Variants in KDM6A observed in about 807,000 individuals in gnomAD.
KDM6A encodes lysine demethylase 6A, also known as lysine-specific demethylase 6A.
Under a neutral mutation model 117.6 loss-of-function variants are expected in KDM6A, and 11 were observed. The ratio of observed to expected loss-of-function variants is 0.09; its 90% CI spans 0.06 to 0.15. The LOEUF (loss-of-function observed/expected upper bound fraction) is 0.15, where lower values mean the gene tolerates loss of function less well. Among genes scored for constraint, KDM6A ranks in the 10% least tolerant of loss-of-function variants. The pLI, the probability that KDM6A is intolerant of heterozygous loss-of-function variation, is 1.00. For synonymous variants in KDM6A, 384 were observed against 396.1 expected (o/e 0.97, Z 0.36); for missense variants, 799 against 1,077.3 (o/e 0.74, Z 3.62).
chrX:45,072,452 G>C (rs11091138), intron 18 of KDM6A, among the ~76,000 whole-genome samples: 23,850 of 109,227 alleles, frequency 0.22, 4,343 homozygotes, highest in African/African-American at 0.61. Flanking sequence ...TTTGAAGTTA[G>C]GCTATCATTC....
intron 2 of KDM6A, among the ~76,000 whole-genome samples, chrX:44,920,309 GATTCGTTTATAGTTAAAAAA>G (rs1278345414): frequency 3.6e-5 from 4 of 111,629 alleles, no homozygotes. Context: ...TTGATGGATT[GATTCGTTTATAGTTAAAAAA>G]ATGGCCCTCT....
intron 4 of KDM6A, among the ~76,000 whole-genome samples, chrX:44,985,963 G>A (rs1289658396): frequency 8.9e-6 from 1 of 111,901 alleles, no homozygotes; most frequent in Non-Finnish European, 1.9e-5. Flanking sequence ...TCTCTTGATT[G>A]GAATAGTTTC....
chrX:44,929,385 T>G (rs2036501823), intron 2 of KDM6A, among the ~76,000 whole-genome samples: 1 of 111,428 alleles, frequency 9.0e-6, no homozygotes, highest in Non-Finnish European at 1.9e-5. Flanking sequence ...AGTTTGCATT[T>G]TCTAAAGTTT....
At chrX:45,092,037 A>C (rs1383351835) in intron 27 of KDM6A, among the ~76,000 whole-genome samples, 1 of 111,300 alleles carries the variant, frequency 9.0e-6, no homozygotes, top group Admixed American at 9.6e-5. Flanking sequence ...CCAAAAGCCA[A>C]ATTATAGCGA....
intron 17 of KDM6A, among the ~76,000 whole-genome samples, chrX:45,064,549 T>C (rs897879987): frequency 8.9e-6 from 1 of 112,521 alleles, no homozygotes; most frequent in African/African-American, 3.2e-5. Context: ...TCTAAGTTTT[T>C]ACTTCTGAAT....
chrX:44,966,245 G>T (rs2039004119), intron 3 of KDM6A, among the ~76,000 whole-genome samples: 1 of 110,411 alleles, frequency 9.1e-6, no homozygotes, highest in South Asian at 3.9e-4. Flanking sequence ...GGGCTCAAGT[G>T]ATTCTCCTAC....
At chrX:45,043,270 A>G (rs767939853) in intron 8 of KDM6A, among the ~76,000 whole-genome samples, 9 of 111,398 alleles carry the variant, frequency 8.1e-5, no homozygotes, top group Non-Finnish European at 1.5e-4. Context: ...AGCCTGGGTG[A>G]CAAAGCGAGA....
chrX:44,998,899 C>T (rs1259377669), intron 4 of KDM6A, among the ~76,000 whole-genome samples: 1 of 111,938 alleles, frequency 8.9e-6, no homozygotes, highest in African/African-American at 3.3e-5. Flanking sequence ...TTATTTAGAA[C>T]CTAATTACTG....
intron 2 of KDM6A, among the ~76,000 whole-genome samples, chrX:44,921,164 A>G (rs764180352): frequency 9.0e-6 from 1 of 111,620 alleles, no homozygotes; most frequent in Admixed American, 9.5e-5. Flanking sequence ...GGCGTGAGCC[A>G]CTGTGCCCAG....
At chrX:44,921,216 G>A (rs2035915330) in intron 2 of KDM6A, among the ~76,000 whole-genome samples, 1 of 111,940 alleles carries the variant, frequency 8.9e-6, no homozygotes, top group Middle Eastern at 4.6e-3. Flanking sequence ...TTTTGAAATA[G>A]TTGTAGCTTC....
chrX:44,897,762 A>G (rs774652636), intron 2 of KDM6A, among the ~76,000 whole-genome samples: 1 of 110,562 alleles, frequency 9.0e-6, no homozygotes, highest in East Asian at 2.8e-4. Flanking sequence ...TTTTTGAGAT[A>G]GGGTCTTGCT....
At position 44,901,361 on chromosome X, in the gene KDM6A, AATATAT is replaced by A. The variant is rs760576311; in HGVS notation, c.225+27386_225+27391del. Reference sequence around the variant, plus strand: ...ACAGAGTGAGACTCCATCTCAAAAAAATATATATATATATATACGGGGACTTGTTTT... The same window carrying A: ...ACAGAGTGAGACTCCATCTCAAAAAAATATATATATACGGGGACTTGTTTT... On this transcript the variant is annotated intron_variant, in intron 2 of 29. Coordinates refer to ENST00000611820, the MANE Select transcript of KDM6A (RefSeq NM_001291415.2). Among the ~76,000 whole-genome samples the A allele has an allele frequency of 2.0e-3, 214 of 106,975 alleles. 1 individual carries two copies. The highest frequency in any genetic ancestry group is 7.2e-3 in the African/African-American group (208 of 28,757). The allele number at this position is 106,975 out of a possible 115,157, so 92.9% of individuals were successfully genotyped here.
chrX:44,908,656 A>ACTTT (rs1465766056), intron 2 of KDM6A, among the ~76,000 whole-genome samples: 16 of 111,696 alleles, frequency 1.4e-4, no homozygotes, highest in African/African-American at 5.2e-4. Flanking sequence ...ACACAGTGTC[A>ACTTT]TTTTTGCCCT....
intron 2 of KDM6A, among the ~76,000 whole-genome samples, chrX:44,917,297 G>T (rs1048120268): frequency 6.3e-5 from 7 of 111,145 alleles, no homozygotes; most frequent in African/African-American, 2.0e-4. Flanking sequence ...AAAGTGCTGG[G>T]ATTACAAGGG....
intron 2 of KDM6A, among the ~76,000 whole-genome samples, chrX:44,890,742 A>G (rs1602068906): frequency 1.2e-5 from 1 of 85,528 alleles, no homozygotes; most frequent in African/African-American, 4.7e-5. Context: ...GCAACCTCCG[A>G]CTCCTGGGGT....
chrX:45,065,363 C>T (rs957520111), intron 17 of KDM6A, among the ~76,000 whole-genome samples: 4 of 111,618 alleles, frequency 3.6e-5, no homozygotes, highest in Non-Finnish European at 7.5e-5. Context: ...CATGATCAGC[C>T]TTATAAGGAT....
chrX:44,975,304 GT>G (rs1296089366), intron 4 of KDM6A, among the ~76,000 whole-genome samples: 15 of 104,866 alleles, frequency 1.4e-4, no homozygotes, highest in African/African-American at 1.7e-4. Flanking sequence ...TGAGCAGTGA[GT>G]TTTTTTTTTT....
chrX:45,041,697 G>T (rs1333714132), intron 8 of KDM6A, among the ~76,000 whole-genome samples: 1 of 109,133 alleles, frequency 9.2e-6, no homozygotes, highest in Non-Finnish European at 1.9e-5. Context: ...ATGGGATGGC[G>T]GCGGGGAAGA....
intron 4 of KDM6A, among the ~76,000 whole-genome samples, chrX:45,008,246 C>T (rs1475499833): frequency 3.6e-5 from 4 of 110,730 alleles, no homozygotes; most frequent in African/African-American, 1.3e-4. Context: ...TGGTGGCGGG[C>T]GCCTGTAGTC....
Sources: allele counts gnomAD v4.1 joint callset (sites outside exome capture counted in the v4.1 genomes callset), GRCh38; gene constraint gnomAD v4.1.1; transcripts MANE v1.5; gene names NCBI Gene and HGNC (gene_info 2026-07-23, HGNC 2026-07-21).